CAMK1D: variants seen among roughly 807,000 people sequenced by gnomAD.
The protein encoded by CAMK1D is calcium/calmodulin dependent protein kinase ID, also known as calcium/calmodulin-dependent protein kinase type 1D.
A neutral mutation model predicts 47.7 loss-of-function variants in CAMK1D; 9 were observed. The observed-to-expected ratio is 0.19, with a 90% CI of 0.11 to 0.33. CAMK1D has a LOEUF of 0.33. Among genes scored for constraint, CAMK1D ranks in the 10% least tolerant of loss-of-function variants. The probability of loss-of-function intolerance (pLI) is 1.00; values close to 1 mark genes in which losing one functional copy is unlikely to be tolerated. For missense variants in CAMK1D, 291 were observed against 488.7 expected, an observed-to-expected ratio of 0.60 and a Z score of 3.81; for synonymous variants, 184 against 184.9, an observed-to-expected ratio of 0.99 and a Z score of 0.04.
At chr10:12,734,010 C>CCCCTGATT (rs1421594018) in intron 3 of CAMK1D, among the ~76,000 whole-genome samples, 1 of 151,954 alleles carries the variant, frequency 6.6e-6, no homozygotes, top group Non-Finnish European at 1.5e-5. Flanking sequence ...TCTTGTGCTT[C>CCCCTGATT]CCCTGAGCAG....
chr10:12,638,627 G>A (rs1211249052), intron 2 of CAMK1D, among the ~76,000 whole-genome samples: 3 of 152,260 alleles, frequency 2.0e-5, no homozygotes, highest in East Asian at 1.9e-4. Context: ...GTTGGATGCC[G>A]CCTCAGAGTA....
chr10:12,414,390 A>G (rs1839773574), intron 1 of CAMK1D, among the ~76,000 whole-genome samples: 1 of 152,178 alleles, frequency 6.6e-6, no homozygotes, highest in Non-Finnish European at 1.5e-5. Flanking sequence ...TTCATCTTTG[A>G]AATTATCTTT....
intron 2 of CAMK1D, among the ~76,000 whole-genome samples, chr10:12,563,664 T>G (rs1187233241): frequency 7.7e-6 from 1 of 130,058 alleles, no homozygotes; most frequent in South Asian, 2.8e-4. Flanking sequence ...GCGGAAGGTT[T>G]GAGAGAGAGA....
In CAMK1D at chr10:12,526,484, G is replaced by A. The variant is rs1421526521; in HGVS notation, c.93-26741G>A. 2.0e-5 allele frequency among the ~76,000 whole-genome samples: 3 copies of A among 152,070 alleles called. No homozygotes were observed. In the East Asian group the frequency reaches 5.8e-4, roughly 29 times the overall value. The stretch of plus-strand genomic sequence containing the variant: ...TTCTTTCACACCCTTGATCTCAGGG[G>A]TGCTTTTTCCCAGGTGTCTTGTCAG... On this transcript the variant is annotated intron_variant, in intron 1 of 10. Coordinates refer to ENST00000619168, the MANE Select transcript of CAMK1D (RefSeq NM_153498.4).
rs1274880637 is a variant in CAMK1D, at chr10:12,382,994, C to A, written c.92+33084C>A. The stretch of plus-strand genomic sequence containing the variant: ...AAGAGAAATAACTTGTCTGAGGAAG[C>A]ACAGCTAGTAATGGACAGATCTGGG... On this transcript the variant is annotated intron_variant, in intron 1 of 10. Transcript: ENST00000619168. 2.6e-5 allele frequency among the ~76,000 whole-genome samples: 4 copies of A among 151,216 alleles called. No homozygotes were observed. The East Asian group carries it at 7.7e-4, about 29-fold the overall frequency.
chr10:12,547,788 C>T (rs539449314), intron 1 of CAMK1D, among the ~76,000 whole-genome samples: 1 of 152,140 alleles, frequency 6.6e-6, no homozygotes, highest in African/African-American at 2.4e-5. Context: ...TTTCCTGGAA[C>T]AGGGGAAGTG....
At chr10:12,490,586 C>A (rs1307325850) in intron 1 of CAMK1D, among the ~76,000 whole-genome samples, 1 of 152,200 alleles carries the variant, frequency 6.6e-6, no homozygotes, top group Non-Finnish European at 1.5e-5. Flanking sequence ...CGGCGGCTCA[C>A]GCCTGTAATC....
At chr10:12,399,674 GT>G (rs1234548108) in intron 1 of CAMK1D, among the ~76,000 whole-genome samples, 2 of 152,196 alleles carry the variant, frequency 1.3e-5, no homozygotes, top group Non-Finnish European at 2.9e-5. Context: ...TGCTTCCACA[GT>G]TTTTGTGGAT....
Position 12,461,080 on chromosome 10 carries a change from CTG to C in CAMK1D, c.93-92144_93-92143del, listed in dbSNP as rs1165700555. Among the ~76,000 whole-genome samples the C allele has an allele frequency of 2.0e-5, 3 of 152,194 alleles. No homozygotes were observed. The East Asian group carries it at 5.8e-4, about 29-fold the overall frequency. Reference sequence around the variant, plus strand: ...CTTACAGGAAGCTTGGACAGCATCTCTGGGGCTGGCCAGGGCAGTTGCTGCAG... The same window carrying C: ...CTTACAGGAAGCTTGGACAGCATCTCGGGCTGGCCAGGGCAGTTGCTGCAG... On this transcript the variant is annotated intron_variant, in intron 1 of 10. Coordinates refer to ENST00000619168, the MANE Select transcript of CAMK1D (RefSeq NM_153498.4).
chr10:12,450,305 T>C (rs1833047198), intron 1 of CAMK1D, among the ~76,000 whole-genome samples: 1 of 152,218 alleles, frequency 6.6e-6, no homozygotes, highest in Non-Finnish European at 1.5e-5. Context: ...ATACTGAGTT[T>C]ACAGCTCCAC....
intron 1 of CAMK1D, among the ~76,000 whole-genome samples, chr10:12,464,710 GA>G (rs1181566748): frequency 6.6e-6 from 1 of 151,924 alleles, no homozygotes; most frequent in East Asian, 1.9e-4. Context: ...AGCTACTCAG[GA>G]GGCTGAGGCA....
intron 1 of CAMK1D, among the ~76,000 whole-genome samples, chr10:12,477,346 C>T (rs1294786766): frequency 1.3e-5 from 2 of 152,214 alleles, no homozygotes; most frequent in South Asian, 2.1e-4. Context: ...ACCTGGGAGG[C>T]GGAGGTTGGA....
intron 2 of CAMK1D, among the ~76,000 whole-genome samples, chr10:12,654,397 CT>C (rs1384616546): frequency 6.6e-6 from 1 of 152,134 alleles, no homozygotes; most frequent in Non-Finnish European, 1.5e-5. Flanking sequence ...GGGTAAACAC[CT>C]TAATGTTTTC....
chr10:12,745,957 A>C (rs567266833), intron 3 of CAMK1D, among the ~76,000 whole-genome samples: 1 of 152,174 alleles, frequency 6.6e-6, no homozygotes, highest in African/African-American at 2.4e-5. Flanking sequence ...ACAGTCACTT[A>C]GTTGAAAGTA....
intron 1 of CAMK1D, among the ~76,000 whole-genome samples, chr10:12,407,824 T>C (rs1395997777): frequency 6.7e-6 from 1 of 149,806 alleles, no homozygotes; most frequent in African/African-American, 2.5e-5. Flanking sequence ...AACAAATTCC[T>C]CCTCAAGGGT....
At chr10:12,611,883 G>A (rs1173364350) in intron 2 of CAMK1D, among the ~76,000 whole-genome samples, 3 of 152,178 alleles carry the variant, frequency 2.0e-5, no homozygotes, top group East Asian at 1.9e-4. Flanking sequence ...GTGAGCCACC[G>A]CGCCCAGCCC....
intron 1 of CAMK1D, among the ~76,000 whole-genome samples, chr10:12,357,274 C>T (rs1014796156): frequency 6.6e-5 from 10 of 151,836 alleles, no homozygotes; most frequent in Admixed American, 3.9e-4. Context: ...CGAGTTCAAG[C>T]GATTCTCCTG....
intron 1 of CAMK1D, among the ~76,000 whole-genome samples, chr10:12,480,294 A>G (rs1834025102): frequency 6.6e-6 from 1 of 152,028 alleles, no homozygotes; most frequent in African/African-American, 2.4e-5. Flanking sequence ...AATTAGCTGG[A>G]CGTGATAGCG....
At chr10:12,552,057 G>A (rs1018953319) in intron 1 of CAMK1D, among the ~76,000 whole-genome samples, 3 of 152,236 alleles carry the variant, frequency 2.0e-5, no homozygotes, top group Non-Finnish European at 4.4e-5. Context: ...TGGAGGATCC[G>A]GAGATGATGG....
Sources: allele counts gnomAD v4.1 joint callset (sites outside exome capture counted in the v4.1 genomes callset), GRCh38; gene constraint gnomAD v4.1.1; transcripts MANE v1.5; gene names NCBI Gene and HGNC (gene_info 2026-07-23, HGNC 2026-07-21).